The following SRPX variants were observed in gnomAD, a reference collection of about 807,000 sequenced individuals.
SRPX encodes sushi repeat containing protein X-linked.
Under a neutral mutation model 38.1 loss-of-function variants are expected in SRPX, and 24 were observed. The observed-to-expected ratio is 0.63, with a 90% confidence interval of 0.46 to 0.89. The LOEUF is 0.89. SRPX is among the 40% of genes least tolerant of loss of function. The pLI is 0.00. For synonymous variants in SRPX, 184 were observed against 153.8 expected, an observed-to-expected ratio of 1.20 and a Z score of -1.45; for missense variants, 416 against 377.8, an observed-to-expected ratio of 1.10 and a Z score of -0.84.
intron 1 of SRPX, among the ~76,000 whole-genome samples, chrX:38,203,332 C>T (rs1242364286): frequency 8.9e-6 from 1 of 112,369 alleles, no homozygotes; most frequent in African/African-American, 3.2e-5. Context: ...TAACATTATA[C>T]TTTACGATGA....
intron 1 of SRPX, among the ~76,000 whole-genome samples, chrX:38,199,278 C>T (rs1035601720): frequency 6.0e-4 from 67 of 111,503 alleles, no homozygotes; most frequent in African/African-American, 2.0e-3. Context: ...TGGTGGCGGG[C>T]GCCTGTAGTT....
chrX:38,171,958 C>G lies in SRPX; in HGVS notation c.449G>C (p.Gly150Ala). The change falls in exon 4 of 10, where the codon GGA becomes GCA. Residue 150 changes from glycine (G) to alanine (A), a missense_variant. Transcript: ENST00000378533. ...NSRCEYYCSP[G>A]YTLKGERTVT... ...GGTCCGCTCCCCTTTCAACGTGTAT[C>G]CTGGTGAACAATAATACTCACACCG... 8.3e-7 allele frequency: 1 copy of G among 1,211,674 alleles called. No homozygotes were observed. The highest frequency in any genetic ancestry group is 1.1e-6 in the Non-Finnish European group (1 of 895,444).
intron 1 of SRPX, among the ~76,000 whole-genome samples, chrX:38,181,911 C>A: frequency 9.1e-6 from 1 of 109,698 alleles, no homozygotes; most frequent in African/African-American, 3.3e-5. Context: ...TTTATGTGAA[C>A]ATAGATGAGT....
chrX:38,168,968 C>T (rs1938415376), intron 4 of SRPX, among the ~76,000 whole-genome samples: 1 of 112,003 alleles, frequency 8.9e-6, no homozygotes, highest in South Asian at 3.7e-4. Context: ...GCCTGGACGA[C>T]ATAGCAAGAG....
intron 4 of SRPX, among the ~76,000 whole-genome samples, chrX:38,166,182 A>G (rs1002384821): frequency 2.7e-5 from 3 of 112,647 alleles, no homozygotes; most frequent in African/African-American, 9.7e-5. Context: ...TGAATGACAG[A>G]TGTCTTTGAG....
chrX:38,219,145 G>C (rs1039619783), intron 1 of SRPX, among the ~76,000 whole-genome samples: 1 of 110,828 alleles, frequency 9.0e-6, no homozygotes, highest in African/African-American at 3.3e-5. Flanking sequence ...GTAGCAAGCT[G>C]TACTATATAA....
At chrX:38,176,243 T>C in intron 2 of SRPX, among the ~76,000 whole-genome samples, 1 of 111,246 alleles carries the variant, frequency 9.0e-6, no homozygotes, top group East Asian at 2.8e-4. Context: ...AACTAATGTA[T>C]GTATATATAT....
At chrX:38,191,685 T>A (rs781671035) in intron 1 of SRPX, among the ~76,000 whole-genome samples, 4 of 112,085 alleles carry the variant, frequency 3.6e-5, no homozygotes, top group Non-Finnish European at 7.5e-5. Flanking sequence ...TTTTCTTTTT[T>A]AGTGATACCT....
At chrX:38,194,108 C>T (rs921600598) in intron 1 of SRPX, among the ~76,000 whole-genome samples, 7 of 111,103 alleles carry the variant, frequency 6.3e-5, no homozygotes, top group African/African-American at 2.3e-4. Context: ...CATCCCCTCA[C>T]CCTCACCTCC....
intron 1 of SRPX, among the ~76,000 whole-genome samples, chrX:38,219,323 C>T (rs1381814774): frequency 9.0e-6 from 1 of 110,636 alleles, no homozygotes; most frequent in African/African-American, 3.3e-5. Flanking sequence ...CTACCTCTAG[C>T]TTCTCACCTT....
At chrX:38,197,122 A>G (rs1455422752) in intron 1 of SRPX, among the ~76,000 whole-genome samples, 1 of 112,417 alleles carries the variant, frequency 8.9e-6, no homozygotes, top group Non-Finnish European at 1.9e-5. Context: ...CCAACAGATG[A>G]TGAAACCATA....
intron 1 of SRPX, among the ~76,000 whole-genome samples, chrX:38,192,059 G>T (rs773718724): frequency 1.2e-4 from 13 of 111,464 alleles, no homozygotes; most frequent in Non-Finnish European, 2.4e-4. Context: ...TGCATGGATA[G>T]GCTTCTGGTG....
chrX:38,203,432 G>C (rs1442144648), intron 1 of SRPX, among the ~76,000 whole-genome samples: 2 of 112,348 alleles, frequency 1.8e-5, no homozygotes, highest in East Asian at 5.6e-4. Flanking sequence ...ATCCTAGCCA[G>C]TGCAATAAGA....
At chrX:38,160,821 C>G in intron 6 of SRPX, 112 bp downstream of exon 6, 1 of 951,041 alleles carries the variant, frequency 1.1e-6, no homozygotes, top group Non-Finnish European at 1.4e-6. Flanking sequence ...TAATCTAAAG[C>G]TGGCAAGTCT....
chrX:38,196,182 A>G (rs913815889), intron 1 of SRPX, among the ~76,000 whole-genome samples: 1 of 112,351 alleles, frequency 8.9e-6, no homozygotes, highest in Non-Finnish European at 1.9e-5. Flanking sequence ...AAAAATAGCA[A>G]ATCAGGCCAA....
chrX:38,149,820 T>C lies in SRPX; in HGVS notation c.1286A>G (p.Tyr429Cys). The C allele has an allele frequency of 1.7e-6, 2 of 1,210,538 alleles. No individual in the cohort carries two copies. The highest frequency in any genetic ancestry group is 2.2e-6 in the Non-Finnish European group (2 of 895,003). ...VDKHGMDKER[Y>C]VSLVMPVALF... The stretch of plus-strand genomic sequence containing the variant: ...GGCCACAGGCATCACCAGGGAGACA[T>C]AGCGCTCTTTGTCCATGCCATGCTT... The change falls in exon 10 of 10, where the codon TAT becomes TGT. Residue 429 changes from tyrosine to cysteine, a missense_variant. Tyr to Cys is a radical substitution (Grantham distance 194). Transcript: ENST00000378533.
chrX:38,155,202 C>T (rs1276451979), intron 8 of SRPX, among the ~76,000 whole-genome samples: 2 of 111,538 alleles, frequency 1.8e-5, no homozygotes, highest in African/African-American at 3.3e-5. Flanking sequence ...TCTTGAAAGA[C>T]GAAAACATCA....
chrX:38,213,034 G>C (rs1939359337), intron 1 of SRPX, among the ~76,000 whole-genome samples: 1 of 112,656 alleles, frequency 8.9e-6, no homozygotes, highest in African/African-American at 3.2e-5. Flanking sequence ...AGGTGGCCAG[G>C]CACCATTGGC....
intron 1 of SRPX, among the ~76,000 whole-genome samples, chrX:38,205,134 G>A (rs1050595264): frequency 8.9e-5 from 10 of 112,429 alleles, no homozygotes; most frequent in African/African-American, 3.2e-4. Context: ...TCCAGTGAGA[G>A]AGACAGAGAA....
Sources: gnomAD v4.1 joint callset for allele counts (sites outside exome capture counted in the v4.1 genomes callset) on GRCh38, gnomAD v4.1.1 for gene constraint, MANE v1.5 for transcripts, NCBI Gene and HGNC (gene_info 2026-07-23, HGNC 2026-07-21) for gene names.